CHRM3: variants seen among roughly 807,000 people sequenced by gnomAD.
CHRM3 encodes muscarinic acetylcholine receptor M3.
In CHRM3, 11 loss-of-function variants were observed where a neutral mutation model predicts 41.8. The ratio of observed to expected loss-of-function variants is 0.26; its 90% CI spans 0.17 to 0.44. CHRM3 has a LOEUF of 0.44. CHRM3 is among the 20% of genes least tolerant of loss of function. CHRM3 has a pLI of 1.00. For synonymous variants in CHRM3, 297 were observed against 301.4 expected (o/e 0.99, Z 0.15); for missense variants, 571 against 745.4 (o/e 0.77, Z 2.72).
At chr1:239,654,547 C>T (rs1362229618) in intron 4 of CHRM3, among the ~76,000 whole-genome samples, 2 of 152,150 alleles carry the variant, frequency 1.3e-5, no homozygotes, top group Admixed American at 6.6e-5. Flanking sequence ...TACAGGCACA[C>T]ACCACCCATC....
chr1:239,773,755 C>A (rs1401835138), intron 5 of CHRM3, among the ~76,000 whole-genome samples: 2 of 152,192 alleles, frequency 1.3e-5, no homozygotes, highest in African/African-American at 4.8e-5. Flanking sequence ...ATCAATCATG[C>A]TTCAATCCCT....
chr1:239,537,022 C>G (rs1452874331), intron 2 of CHRM3, among the ~76,000 whole-genome samples: 1 of 151,662 alleles, frequency 6.6e-6, no homozygotes, highest in African/African-American at 2.4e-5. Context: ...CTTTTTTGGT[C>G]TCTATCTTTG....
At chr1:239,559,910 G>T (rs1660704087) in intron 3 of CHRM3, among the ~76,000 whole-genome samples, 1 of 152,092 alleles carries the variant, frequency 6.6e-6, no homozygotes, top group African/African-American at 2.4e-5. Context: ...ACAATACATT[G>T]TATGGCTATT....
intron 1 of CHRM3, among the ~76,000 whole-genome samples, chr1:239,395,416 C>T (rs995141950): frequency 1.3e-5 from 2 of 152,150 alleles, no homozygotes; most frequent in Non-Finnish European, 2.9e-5. Flanking sequence ...GACCATCCTA[C>T]AGCTCAAATG....
At chr1:239,415,343 G>A (rs1661414674) in intron 1 of CHRM3, among the ~76,000 whole-genome samples, 1 of 152,154 alleles carries the variant, frequency 6.6e-6, no homozygotes, top group South Asian at 2.1e-4. Flanking sequence ...GGGAGGCTGA[G>A]GCAGGAGAAT....
intron 5 of CHRM3, among the ~76,000 whole-genome samples, chr1:239,806,040 G>A (rs776342591): frequency 5.3e-4 from 81 of 152,236 alleles, no homozygotes; most frequent in Admixed American, 1.3e-3. Flanking sequence ...GTCTGTGGGG[G>A]AACCCAGCCG....
intron 1 of CHRM3, among the ~76,000 whole-genome samples, chr1:239,413,664 G>C (rs1044839183): frequency 2.0e-5 from 3 of 152,164 alleles, no homozygotes; most frequent in African/African-American, 7.2e-5. Flanking sequence ...ACAAAATAAT[G>C]AGTGGCTATG....
At chr1:239,886,176 G>A (rs1010214125) in intron 6 of CHRM3, 1 of 152,150 alleles carries the variant, frequency 6.6e-6, no homozygotes, top group Non-Finnish European at 1.5e-5. Context: ...GAAACTGAGC[G>A]TCGAACCTCA....
chr1:239,809,267 G>A (rs12402098), intron 5 of CHRM3, among the ~76,000 whole-genome samples: 61,445 of 151,658 alleles, frequency 0.41, 15,331 homozygotes, highest in South Asian at 0.56. Flanking sequence ...TGATCCGCCC[G>A]CCTCGGCCTC....
intron 4 of CHRM3, among the ~76,000 whole-genome samples, chr1:239,654,642 G>A (rs1030028988): frequency 5.9e-5 from 9 of 152,024 alleles, no homozygotes; most frequent in South Asian, 2.1e-4. Flanking sequence ...CAGGTAATCC[G>A]CCCTCCTTGG....
At chr1:239,483,020 A>G (rs1183917315) in intron 1 of CHRM3, among the ~76,000 whole-genome samples, 1 of 152,208 alleles carries the variant, frequency 6.6e-6, no homozygotes, top group Non-Finnish European at 1.5e-5. Flanking sequence ...TGTAAAAGAC[A>G]CTATTTGAAT....
intron 5 of CHRM3, among the ~76,000 whole-genome samples, chr1:239,685,601 T>A (rs1276226947): frequency 1.3e-5 from 2 of 152,108 alleles, no homozygotes; most frequent in African/African-American, 2.4e-5. Flanking sequence ...GGTGAGCAGA[T>A]CACCTGAGGT....
At chr1:239,685,675 A>G (rs1010944798) in intron 5 of CHRM3, among the ~76,000 whole-genome samples, 7 of 152,062 alleles carry the variant, frequency 4.6e-5, no homozygotes, top group African/African-American at 1.4e-4. Context: ...ATACAAAATT[A>G]GCTGGGTATG....
intron 6 of CHRM3, among the ~76,000 whole-genome samples, chr1:239,839,016 G>C (rs533782687): frequency 1.4e-4 from 22 of 152,314 alleles, no homozygotes; most frequent in Admixed American, 9.1e-4. Context: ...CAGGTAAAAA[G>C]AAGAGAGCAT....
chr1:239,563,057 A>G (rs900706844), intron 3 of CHRM3, among the ~76,000 whole-genome samples: 3 of 152,154 alleles, frequency 2.0e-5, no homozygotes, highest in Non-Finnish European at 2.9e-5. Context: ...CCTTTTATTT[A>G]TGCCATTAAT....
At chr1:239,503,515 C>T (rs1668377447) in intron 2 of CHRM3, among the ~76,000 whole-genome samples, 1 of 151,870 alleles carries the variant, frequency 6.6e-6, no homozygotes, top group South Asian at 2.1e-4. Context: ...ATGCAATCCC[C>T]ATCAAAATAC....
At chr1:239,809,677 T>G (rs1211996584) in intron 5 of CHRM3, among the ~76,000 whole-genome samples, 1 of 152,032 alleles carries the variant, frequency 6.6e-6, no homozygotes, top group East Asian at 1.9e-4. Context: ...TTTAATTTTT[T>G]TTGTACAGAC....
intron 6 of CHRM3, among the ~76,000 whole-genome samples, chr1:239,893,963 TCTC>T (rs1286252999): frequency 6.6e-6 from 1 of 152,146 alleles, no homozygotes; most frequent in African/African-American, 2.4e-5. Flanking sequence ...CTCCTCCACT[TCTC>T]CTTCTTCTTC....
At chr1:239,555,505 G>A (rs182093514) in intron 3 of CHRM3, among the ~76,000 whole-genome samples, 9 of 152,288 alleles carry the variant, frequency 5.9e-5, no homozygotes, top group Admixed American at 2.6e-4. Flanking sequence ...AAACAGGAAT[G>A]GGGCAGAAGC....
Sources: allele counts gnomAD v4.1 joint callset (sites outside exome capture counted in the v4.1 genomes callset), GRCh38; gene constraint gnomAD v4.1.1; transcripts MANE v1.5; gene names NCBI Gene and HGNC (gene_info 2026-07-23, HGNC 2026-07-21).